The following UBXN2B variants were observed in gnomAD, a reference collection of about 807,000 sequenced individuals.
UBXN2B encodes UBX domain-containing protein 2B.
A neutral mutation model predicts 37.5 loss-of-function variants in UBXN2B; 19 were observed. The ratio of observed to expected loss-of-function variants is 0.51; its 90% CI spans 0.35 to 0.74. The LOEUF (loss-of-function observed/expected upper bound fraction) is 0.74. Among genes scored for constraint, UBXN2B ranks in the 30% least tolerant of loss-of-function variants. The pLI is 0.01. For missense variants in UBXN2B, 370 were observed against 393.2 expected, an observed-to-expected ratio of 0.94 and a Z score of 0.50; for synonymous variants, 145 against 143.8, an observed-to-expected ratio of 1.01 and a Z score of -0.06.
intron 6 of UBXN2B, among the ~76,000 whole-genome samples, chr8:58,444,859 G>A (rs1240693680): frequency 6.6e-6 from 1 of 152,152 alleles, no homozygotes. Flanking sequence ...TTAGTACCAG[G>A]TAATTTTATC....
At chr8:58,425,138 C>T in intron 2 of UBXN2B, 2 of 830,232 alleles carry the variant, frequency 2.4e-6, no homozygotes, top group Non-Finnish European at 4.3e-6. Context: ...ACCATTCTCT[C>T]CATATTCCCT....
At chr8:58,447,179 A>G (rs1440141930) in intron 7 of UBXN2B, among the ~76,000 whole-genome samples, 2 of 152,188 alleles carry the variant, frequency 1.3e-5, no homozygotes, top group African/African-American at 2.4e-5. Flanking sequence ...ATTTTACAGG[A>G]AAAGTAAATG....
Position 58,450,531 on chromosome 8 carries a change from C to G in UBXN2B, c.*2980C>G, listed in dbSNP as rs1431996424. ...CAATCGAGGTATTCTCTATTATGCTCCTTTCTTCAAGGCCGCCCTAGCATT... is the reference window on the plus strand; with the variant it reads ...CAATCGAGGTATTCTCTATTATGCTGCTTTCTTCAAGGCCGCCCTAGCATT... On this transcript the variant is annotated 3_prime_UTR_variant, in exon 8 of 8. Transcript: ENST00000399598. 6.6e-6 allele frequency: 1 copy of G among 152,200 alleles called. No homozygotes were observed. Among genetic ancestry groups the G allele is most frequent in the Non-Finnish European group, 1.5e-5 (1 of 68,044 alleles). The allele number at this position is 152,200 out of a possible 1,614,324, so 9.4% of individuals were successfully genotyped here.
intron 5 of UBXN2B, chr8:58,434,815 A>G (rs1334943984): frequency 6.5e-7 from 1 of 1,534,768 alleles, no homozygotes; most frequent in African/African-American, 1.4e-5. Flanking sequence ...ATTAGTATGT[A>G]GCTGCCCACC....
intron 2 of UBXN2B, chr8:58,424,894 G>A: frequency 9.8e-7 from 1 of 1,018,894 alleles, no homozygotes. Context: ...CATCTGGATA[G>A]TTTTGAGAAC....
At chr8:58,424,779 T>G (rs867223064) in intron 2 of UBXN2B, 5 of 1,444,162 alleles carry the variant, frequency 3.5e-6, no homozygotes, top group Non-Finnish European at 2.9e-6. Context: ...TTTTCTGCTC[T>G]TCTTCAATCC....
chr8:58,420,243 C>T (rs1807891017), intron 2 of UBXN2B, among the ~76,000 whole-genome samples: 1 of 152,116 alleles, frequency 6.6e-6, no homozygotes, highest in Admixed American at 6.5e-5. Flanking sequence ...GATAATACAG[C>T]TTTGCAACTA....
chr8:58,433,777 TAAAAAAATCAATTAAAAAAAG>T (rs1222486323), intron 4 of UBXN2B, among the ~76,000 whole-genome samples: 1 of 151,782 alleles, frequency 6.6e-6, no homozygotes, highest in Non-Finnish European at 1.5e-5. Context: ...ATCTTTAAGA[TAAAAAAATCAATTAAAAAAAG>T]AAAAATGAAC....
chr8:58,419,430 C>G (rs13271316), intron 2 of UBXN2B, among the ~76,000 whole-genome samples: 25,677 of 152,132 alleles, frequency 0.17, 2,425 homozygotes, highest in African/African-American at 0.25. Context: ...TTATCTGAAA[C>G]TCTGGACATA....
chr8:58,439,848 A>G, intron 6 of UBXN2B, 78 bp downstream of exon 6: 4 of 1,487,464 alleles, frequency 2.7e-6, no homozygotes, highest in South Asian at 1.4e-5. Context: ...AAAATGACCT[A>G]TGAAGTAAAA....
chr8:58,423,719 G>T (rs1171646217), intron 2 of UBXN2B, among the ~76,000 whole-genome samples: 1 of 150,604 alleles, frequency 6.6e-6, no homozygotes, highest in Non-Finnish European at 1.5e-5. Flanking sequence ...ACAGGCGTGA[G>T]CCACCGCGCC....
chr8:58,420,472 A>G (rs1296035975), intron 2 of UBXN2B, among the ~76,000 whole-genome samples: 3 of 152,260 alleles, frequency 2.0e-5, no homozygotes, highest in Non-Finnish European at 4.4e-5. Flanking sequence ...GATTCACATC[A>G]AAATGATGAC....
intron 1 of UBXN2B, among the ~76,000 whole-genome samples, chr8:58,415,231 G>A (rs1316090719): frequency 6.6e-6 from 1 of 152,068 alleles, no homozygotes; most frequent in Admixed American, 6.5e-5. Context: ...TTTTGTGAAG[G>A]AGAGCTGAAA....
At chr8:58,422,671 A>T (rs1470090697) in intron 2 of UBXN2B, among the ~76,000 whole-genome samples, 2 of 152,168 alleles carry the variant, frequency 1.3e-5, no homozygotes, top group African/African-American at 4.8e-5. Flanking sequence ...AAAGAGTCAC[A>T]TTTCCCAAGT....
At chr8:58,441,744 A>G (rs1808556104) in intron 6 of UBXN2B, among the ~76,000 whole-genome samples, 1 of 152,224 alleles carries the variant, frequency 6.6e-6, no homozygotes, top group African/African-American at 2.4e-5. Context: ...AATAGAGAAA[A>G]TAACAGAAAA....
rs771857253 is a variant in UBXN2B at position 58,447,633 on chromosome 8, G to C, written c.*82G>C. The C allele has an allele frequency of 6.3e-6, 8 of 1,273,528 alleles. No individual in the cohort carries two copies. Among genetic ancestry groups the C allele is most frequent in the Admixed American group, 2.8e-5 (1 of 36,056 alleles). The allele number at this position is 1,273,528 out of a possible 1,614,324, so 78.9% of individuals were successfully genotyped here. Reference sequence around the variant, plus strand: ...GGACAATACTTCAGCATTAAAAACAGCCAAATTATTTTTATTATTTTTACA... The same window carrying C: ...GGACAATACTTCAGCATTAAAAACACCCAAATTATTTTTATTATTTTTACA... On this transcript the variant is annotated 3_prime_UTR_variant, in exon 8 of 8. Transcript: ENST00000399598.
At position 58,425,680 on chromosome 8, in the gene UBXN2B, G is replaced by A. The variant is rs150627622; in HGVS notation, c.189-4839G>A. The A allele has an allele frequency of 2.6e-4, 309 of 1,172,110 alleles. No individual in the cohort carries two copies. The African/African-American group carries it at 4.1e-3, about 16-fold the overall frequency. 72.6% of individuals were successfully genotyped at this position (1,172,110 alleles called of 1,614,324 possible). Reference sequence around the variant, plus strand: ...GTCTCAGCTAATTTGCTTAGTTCTCGAATTCTGCTATTTCAGCAACATTTA... The same window carrying A: ...GTCTCAGCTAATTTGCTTAGTTCTCAAATTCTGCTATTTCAGCAACATTTA... On this transcript the variant is annotated intron_variant, in intron 2 of 7. Coordinates refer to ENST00000399598, the MANE Select transcript of UBXN2B (RefSeq NM_001077619.2).
At chr8:58,445,855 G>T in intron 6 of UBXN2B, 52 bp from the exon 7 acceptor site, 1 of 1,471,668 alleles carries the variant, frequency 6.8e-7, no homozygotes, top group Non-Finnish European at 9.1e-7. Flanking sequence ...GCTGTCTTCA[G>T]TTTGTCATAT....
intron 2 of UBXN2B, among the ~76,000 whole-genome samples, chr8:58,419,113 A>G (rs1807858502): frequency 6.6e-6 from 1 of 152,208 alleles, no homozygotes; most frequent in South Asian, 2.1e-4. Flanking sequence ...AGAATAATTT[A>G]TCTATCAAAA....
Sources: allele counts gnomAD v4.1 joint callset (sites outside exome capture counted in the v4.1 genomes callset), GRCh38; gene constraint gnomAD v4.1.1; transcripts MANE v1.5; gene names NCBI Gene and HGNC (gene_info 2026-07-23, HGNC 2026-07-21).